The following THSD4 variants were observed in gnomAD, a reference collection of about 807,000 sequenced individuals.
THSD4 encodes thrombospondin type 1 domain containing 4.
In THSD4, 69 loss-of-function variants were observed where a neutral mutation model predicts 119.0. The observed-to-expected ratio is 0.58, with a 90% CI of 0.48 to 0.71. THSD4 has a LOEUF of 0.71. THSD4 is among the 30% of genes least tolerant of loss of function. THSD4 has a pLI of 0.00. For synonymous variants in THSD4, 524 were observed against 540.4 expected (o/e 0.97, Z 0.42); for missense variants, 1,393 against 1,391.1 (o/e 1.00, Z -0.02).
chr15:71,306,158 C>T (rs1407338812), intron 6 of THSD4, among the ~76,000 whole-genome samples: 5 of 151,634 alleles, frequency 3.3e-5, no homozygotes, highest in Non-Finnish European at 5.9e-5. Flanking sequence ...ATGCAAAAAT[C>T]AGCCGGGCGT....
intron 6 of THSD4, among the ~76,000 whole-genome samples, chr15:71,381,109 T>C (rs1252441913): frequency 1.3e-5 from 2 of 152,122 alleles, no homozygotes; most frequent in African/African-American, 4.8e-5. Context: ...CACTAATATT[T>C]TTCATTATTT....
intron 6 of THSD4, among the ~76,000 whole-genome samples, chr15:71,404,386 T>C (rs1436408001): frequency 6.6e-6 from 1 of 152,236 alleles, no homozygotes; most frequent in Non-Finnish European, 1.5e-5. Context: ...CATAATGTTT[T>C]GAAGATTTAT....
At chr15:71,283,261 G>T (rs915009002) in intron 6 of THSD4, among the ~76,000 whole-genome samples, 4 of 152,124 alleles carry the variant, frequency 2.6e-5, no homozygotes, top group Admixed American at 2.6e-4. Context: ...GAGCCATCGC[G>T]CCCGGCCAGG....
rs745552224 is a variant in THSD4 at position 71,771,097 on chromosome 15, C to T, written c.2803C>T (p.Arg935Trp). ...SKSCQGGFRV[R>W]EVRCLSDDMT... ...GAGCTGCCAGGGTGGCTTTCGGGTC[C>T]GGGAAGTGCGGTGTCTGTCTGATGA... Residue 935 changes from arginine (R) to tryptophan (W), a missense_variant, in exon 17 of 18, where the codon CGG becomes TGG. Physicochemically the swap from Arg to Trp is moderately radical, Grantham distance 101 (BLOSUM62 -3). Transcript: ENST00000261862. 1.4e-5 allele frequency: 23 copies of T among 1,613,974 alleles called. No homozygotes were observed. The highest frequency in any genetic ancestry group is 5.0e-5 in the Admixed American group (3 of 59,984).
At position 71,411,957 on chromosome 15, in the gene THSD4, G is replaced by C. The variant is rs546899602; in HGVS notation, c.1152+134G>C. The stretch of plus-strand genomic sequence containing the variant: ...AGGGCCACTCAACCATGCGCTCTGG[G>C]AGGAGTGGGCTGAGATGGGGCTGCT... On this transcript the variant is annotated intron_variant, in intron 7 of 17. Transcript: ENST00000261862. The C allele has an allele frequency of 1.1e-5, 13 of 1,220,348 alleles. No homozygotes were observed. The African/African-American group carries it at 2.0e-4, about 18-fold the overall frequency. 75.6% of individuals were successfully genotyped at this position (1,220,348 alleles called of 1,614,324 possible). A position where few individuals can be genotyped will look rare whatever the true frequency, so the allele number is the denominator to read the frequency against.
intron 8 of THSD4, among the ~76,000 whole-genome samples, chr15:71,694,871 C>T (rs575201871): frequency 1.0e-3 from 155 of 152,204 alleles, no homozygotes; most frequent in African/African-American, 3.6e-3. Flanking sequence ...CCTGTATCCA[C>T]CTGGAGTCGT....
chr15:71,703,938 C>G (rs2052343648), intron 8 of THSD4, among the ~76,000 whole-genome samples: 1 of 152,162 alleles, frequency 6.6e-6, no homozygotes, highest in Non-Finnish European at 1.5e-5. Flanking sequence ...CAGGCTCTGC[C>G]TCCCGGGTTC....
chr15:71,157,876 G>A (rs1455646477), intron 3 of THSD4, among the ~76,000 whole-genome samples: 1 of 151,560 alleles, frequency 6.6e-6, no homozygotes, highest in African/African-American at 2.4e-5. Context: ...TTTCTTTTCT[G>A]TTCATTTGTT....
chr15:71,442,082 C>T (rs2047103586), intron 7 of THSD4, among the ~76,000 whole-genome samples: 1 of 152,096 alleles, frequency 6.6e-6, no homozygotes, highest in Non-Finnish European at 1.5e-5. Context: ...CCTAAGCCTC[C>T]TGAGTAGTGG....
At chr15:71,138,651 TC>T (rs1200310705) in intron 1 of THSD4, among the ~76,000 whole-genome samples, 7 of 151,522 alleles carry the variant, frequency 4.6e-5, no homozygotes, top group Admixed American at 2.0e-4. Context: ...GATGCTTCCC[TC>T]CCCCCTCCAC....
intron 8 of THSD4, among the ~76,000 whole-genome samples, chr15:71,681,833 G>A (rs760614840): frequency 1.3e-5 from 2 of 152,278 alleles, no homozygotes; most frequent in East Asian, 1.9e-4. Flanking sequence ...GGGGGCAAAC[G>A]GAAGTTGATC....
At chr15:71,336,473 G>A (rs1004828027) in intron 6 of THSD4, among the ~76,000 whole-genome samples, 1 of 152,200 alleles carries the variant, frequency 6.6e-6, no homozygotes, top group Non-Finnish European at 1.5e-5. Context: ...AGTAATTTGA[G>A]TGTGATTGTT....
intron 6 of THSD4, among the ~76,000 whole-genome samples, chr15:71,370,820 A>C (rs1596375075): frequency 6.6e-6 from 1 of 152,300 alleles, no homozygotes; most frequent in East Asian, 1.9e-4. Flanking sequence ...AGCTGAGTTC[A>C]ATTCCTGGAT....
At position 71,737,788 on chromosome 15, in the gene THSD4, C is replaced by G. The variant is rs2053144822; in HGVS notation, c.1687C>G (p.Gln563Glu). The change falls in exon 11 of 18, where the codon CAG (glutamine) becomes GAG (glutamate). Residue 563 changes from glutamine (Q) to glutamate (E), a missense_variant. Transcript: ENST00000261862. The part of the protein sequence containing the change: ...TEGRSQEEGE[Q>E]KGRNEEKEDL... ...AGGCAGGAGCCAGGAGGAGGGAGAA[C>G]AGAAAGGGAGGAACGAGGAGAAGGA... 4 of 1,613,904 alleles carry G rather than the reference C, an allele frequency of 2.5e-6. No homozygotes were observed. In the South Asian group the frequency reaches 3.3e-5, roughly 13 times the overall value.
chr15:71,297,500 TA>T (rs1158837532), intron 6 of THSD4, among the ~76,000 whole-genome samples: 3 of 152,110 alleles, frequency 2.0e-5, no homozygotes, highest in African/African-American at 7.2e-5. Flanking sequence ...CATGCCTGGC[TA>T]ATTTTTGTAT....
chr15:71,313,377 A>T (rs534129334), intron 6 of THSD4, among the ~76,000 whole-genome samples: 13 of 152,216 alleles, frequency 8.5e-5, no homozygotes, highest in Non-Finnish European at 1.8e-4. Flanking sequence ...CATGTTGGAC[A>T]TTCCCTGCCC....
At position 71,686,205 on chromosome 15, in the gene THSD4, A is replaced by G. The variant is rs2051905944; in HGVS notation, c.1357+25471A>G. On this transcript the variant is annotated intron_variant, in intron 8 of 17. Coordinates refer to ENST00000261862, the MANE Select transcript of THSD4 (RefSeq NM_024817.3). The stretch of plus-strand genomic sequence containing the variant: ...TCCATAGAACTTTCTTCATCTTCCA[A>G]AACTGAAACTCTATACCCATGATGT... Among the ~76,000 whole-genome samples, 3 of 152,306 alleles carry G rather than the reference A, an allele frequency of 2.0e-5. No individual in the cohort carries two copies. The South Asian group carries it at 6.2e-4, about 32-fold the overall frequency.
chr15:71,242,890 C>T lies in THSD4; in HGVS notation c.706C>T (p.Gln236Ter), dbSNP rs1284408611. Residue 236 changes from glutamine (Q) to a stop codon, truncating the protein, a stop_gained, in exon 5 of 18, where the codon CAG becomes TAG. Coordinates refer to ENST00000261862, the MANE Select transcript of THSD4 (RefSeq NM_024817.3). LOFTEE classifies it high-confidence loss of function. The part of the protein sequence containing the change: ...QSDSGPRSGL[Q>*]AAEAPIYQLP... ...TGACAGTGGCCCTCGCTCTGGACTG[C>T]AGGCTGCGGAGGCCCCCATCTACCA... The T allele has an allele frequency of 9.9e-6, 16 of 1,614,078 alleles. No individual in the cohort carries two copies. The highest frequency in any genetic ancestry group is 1.3e-5 in the Non-Finnish European group (15 of 1,180,038).
intron 6 of THSD4, among the ~76,000 whole-genome samples, chr15:71,291,126 C>T (rs1470986966): frequency 6.6e-6 from 1 of 152,090 alleles, no homozygotes; most frequent in African/African-American, 2.4e-5. Context: ...CCCCCAGCTT[C>T]ACTTTGGCAC....
Sources: gnomAD v4.1 joint callset for allele counts (sites outside exome capture counted in the v4.1 genomes callset) on GRCh38, gnomAD v4.1.1 for gene constraint, MANE v1.5 for transcripts, NCBI Gene and HGNC (gene_info 2026-07-23, HGNC 2026-07-21) for gene names.